The following CIDEA variants were observed in gnomAD, a reference collection of about 807,000 sequenced individuals.
CIDEA encodes cell death inducing DFFA like effector a.
Under a neutral mutation model 18.2 loss-of-function variants are expected in CIDEA, and 10 were observed. That is an observed-to-expected ratio of 0.55 (90% CI 0.34 to 0.93). The LOEUF (loss-of-function observed/expected upper bound fraction) is 0.93, where lower values mean the gene tolerates loss of function less well. Among genes scored for constraint, CIDEA ranks in the 40% least tolerant of loss-of-function variants. The probability of loss-of-function intolerance (pLI) is 0.02; values close to 1 mark genes in which losing one functional copy is unlikely to be tolerated. For synonymous variants in CIDEA, 128 were observed against 124.8 expected, an observed-to-expected ratio of 1.03 and a Z score of -0.17; for missense variants, 309 against 293.1, an observed-to-expected ratio of 1.05 and a Z score of -0.40.
chr18:12,273,073 A>G (rs1405447343), intron 3 of CIDEA, among the ~76,000 whole-genome samples: 5 of 152,104 alleles, frequency 3.3e-5, no homozygotes, highest in Non-Finnish European at 7.3e-5. Context: ...GATCTATTCA[A>G]ACAAATTCTG....
chr18:12,274,733 C>A (rs1427625546), intron 4 of CIDEA, among the ~76,000 whole-genome samples: 1 of 152,216 alleles, frequency 6.6e-6, no homozygotes, highest in Non-Finnish European at 1.5e-5. Flanking sequence ...GTCCTCTCCA[C>A]ATAATGCCAG....
intron 4 of CIDEA, 107 bp downstream of exon 4, chr18:12,274,381 G>A (rs995075979): frequency 2.1e-6 from 2 of 958,802 alleles, no homozygotes; most frequent in African/African-American, 3.2e-5. Context: ...GGCTAGCACT[G>A]TTAGGGGCAG....
chr18:12,270,894 C>CTTTTTTTTTTTTTTTTTT (rs771335202), intron 3 of CIDEA, among the ~76,000 whole-genome samples: 80 of 60,002 alleles, frequency 1.3e-3, no homozygotes, highest in Middle Eastern at 0.015. Context: ...TTTTTCTTTT[C>CTTTTTTTTTTTTTTTTTT]TTTTTTTTTT....
intron 3 of CIDEA, among the ~76,000 whole-genome samples, chr18:12,271,428 G>T (rs548393675): frequency 2.0e-5 from 3 of 152,248 alleles, no homozygotes; most frequent in African/African-American, 7.2e-5. Context: ...GCGAGGGGCC[G>T]GGCCTGCCCC....
intron 1 of CIDEA, among the ~76,000 whole-genome samples, chr18:12,260,256 T>G (rs1249439127): frequency 6.6e-6 from 1 of 152,102 alleles, no homozygotes; most frequent in Non-Finnish European, 1.5e-5. Flanking sequence ...GAGTGCACTG[T>G]GGCCCCAATC....
rs1324104974 is a variant in CIDEA at position 12,277,312 on chromosome 18, T to C, written c.*42T>C. On this transcript the variant is annotated 3_prime_UTR_variant, in exon 5 of 5. Coordinates refer to ENST00000320477, the MANE Select transcript of CIDEA (RefSeq NM_001279.4). ...CGGCTCTTGAGCCAAACACTGTGTT[T>C]CGTTTGGCTCAATGACGAATGTTGA... is the stretch of plus-strand genomic sequence containing the variant. 2 of 1,608,712 alleles carry C rather than the reference T, an allele frequency of 1.2e-6. No homozygotes were observed. The highest frequency in any genetic ancestry group is 2.2e-5 in the East Asian group (1 of 44,838).
chr18:12,259,025 T>C (rs1421370315), intron 1 of CIDEA, among the ~76,000 whole-genome samples: 4 of 152,180 alleles, frequency 2.6e-5, no homozygotes, highest in Admixed American at 6.5e-5. Flanking sequence ...GTTTATGGCA[T>C]TGTGTAACTG....
chr18:12,275,993 C>CTTTTTTTTT lies in CIDEA; in HGVS notation c.513-1128_513-1127insTTTTTTTTT, dbSNP rs149108439. On this transcript the variant is annotated intron_variant, in intron 4 of 4. Transcript: ENST00000320477. Reference sequence around the variant, plus strand: ...GTGAAATCTTTTTTCTTTTTCTTTTCTTATTTTTTTTCTTTTTTGAGACGG... The same window carrying CTTTTTTTTT: ...GTGAAATCTTTTTTCTTTTTCTTTTCTTTTTTTTTTTATTTTTTTTCTTTTTTGAGACGG... 4.6e-5 allele frequency among the ~76,000 whole-genome samples: 6 copies of CTTTTTTTTT among 129,708 alleles called. 3 individuals carry two copies. Among genetic ancestry groups the CTTTTTTTTT allele is most frequent in the East Asian group, 4.5e-4 (2 of 4,474 alleles). 85.1% of individuals were successfully genotyped at this position (129,708 alleles called of 152,430 possible).
chr18:12,276,412 C>A (rs1905335410), intron 4 of CIDEA, among the ~76,000 whole-genome samples: 1 of 152,114 alleles, frequency 6.6e-6, no homozygotes. Flanking sequence ...CCCACCTCAG[C>A]CTCTGAAAGT....
intron 1 of CIDEA, among the ~76,000 whole-genome samples, chr18:12,257,340 AC>A (rs1321591789): frequency 1.1e-4 from 17 of 151,974 alleles, no homozygotes; most frequent in Non-Finnish European, 2.5e-4. Context: ...ACTATTTTAC[AC>A]AGCCTGTACT....
At chr18:12,255,986 T>C (rs980926251) in intron 1 of CIDEA, among the ~76,000 whole-genome samples, 7 of 152,198 alleles carry the variant, frequency 4.6e-5, no homozygotes, top group Non-Finnish European at 7.3e-5. Context: ...TGCAGTTCTT[T>C]GAAATCTACC....
intron 3 of CIDEA, among the ~76,000 whole-genome samples, chr18:12,272,444 C>T (rs1182687546): frequency 6.6e-6 from 1 of 151,960 alleles, no homozygotes; most frequent in Non-Finnish European, 1.5e-5. Flanking sequence ...AACTCCTGAC[C>T]TCAGGTCATC....
chr18:12,263,048 G>A (rs2144067279), intron 2 of CIDEA, 79 bp downstream of exon 2: 2 of 1,458,122 alleles, frequency 1.4e-6, no homozygotes, highest in East Asian at 4.8e-5. Context: ...TGGGCTCTAA[G>A]CCAGGGCCAG....
Position 12,270,688 on chromosome 18 carries a change from C to CAAAAAAAAAAAAAA in CIDEA, c.331-3390_331-3377dup, listed in dbSNP as rs68102741. ...GGCGACAGAGCAAGACTCCGTCTCA[C>CAAAAAAAAAAAAAA]AAAAAAAAAAAAAAAAAAAAAAAAA... On this transcript the variant is annotated intron_variant, in intron 3 of 4. Coordinates refer to ENST00000320477, the MANE Select transcript of CIDEA (RefSeq NM_001279.4). 5.6e-4 allele frequency among the ~76,000 whole-genome samples: 41 copies of CAAAAAAAAAAAAAA among 72,802 alleles called. 7 individuals are homozygous for CAAAAAAAAAAAAAA. The highest frequency in any genetic ancestry group is 2.9e-3 in the African/African-American group (35 of 11,926). The allele number at this position is 72,802 out of a possible 152,430, so 47.8% of individuals were successfully genotyped here. A position where few individuals can be genotyped will look rare whatever the true frequency, so the allele number is the denominator to read the frequency against.
intron 4 of CIDEA, among the ~76,000 whole-genome samples, chr18:12,275,808 G>T (rs1217441758): frequency 2.6e-5 from 4 of 151,656 alleles, no homozygotes; most frequent in Non-Finnish European, 4.4e-5. Context: ...TAGTGTTGGA[G>T]TCTTGACTCC....
At chr18:12,255,461 G>A (rs892296141) in intron 1 of CIDEA, among the ~76,000 whole-genome samples, 1 of 152,150 alleles carries the variant, frequency 6.6e-6, no homozygotes, top group African/African-American at 2.4e-5. Context: ...TTAAAAATAA[G>A]CCCACAGTAC....
chr18:12,272,147 T>TGGGG (rs1259474425), intron 3 of CIDEA, among the ~76,000 whole-genome samples: 21 of 1,478 alleles, frequency 0.014, 1 homozygote, highest in East Asian at 0.024. Flanking sequence ...TGAGTGTGTG[T>TGGGG]GTGGGGGGGG....
intron 3 of CIDEA, among the ~76,000 whole-genome samples, chr18:12,272,145 T>TGGGGGGGGGGGGGG (rs1912554048): frequency 3.9e-4 from 1 of 2,534 alleles, no homozygotes; most frequent in African/African-American, 5.4e-4. Context: ...TTTGAGTGTG[T>TGGGGGGGGGGGGGG]GTGTGGGGGG....
chr18:12,275,147 ACT>A (rs1056381237), intron 4 of CIDEA, among the ~76,000 whole-genome samples: 1 of 152,140 alleles, frequency 6.6e-6, no homozygotes, highest in East Asian at 1.9e-4. Context: ...ACATGGCGAA[ACT>A]CTGTCTCTAC....
Sources: gnomAD v4.1 joint callset for allele counts (sites outside exome capture counted in the v4.1 genomes callset) on GRCh38, gnomAD v4.1.1 for gene constraint, MANE v1.5 for transcripts, NCBI Gene and HGNC (gene_info 2026-07-23, HGNC 2026-07-21) for gene names.